TMEM87A: variants seen among roughly 807,000 people sequenced by gnomAD.
TMEM87A encodes Golgi-pH regulating cation channel.
A neutral mutation model predicts 90.0 loss-of-function variants in TMEM87A; 50 were observed. That is an observed-to-expected ratio of 0.56 (90% CI 0.44 to 0.70). TMEM87A has a LOEUF of 0.70. TMEM87A is among the 30% of genes least tolerant of loss of function. The pLI is 0.00. For missense variants in TMEM87A, 577 were observed against 660.5 expected (o/e 0.87, Z 1.39); for synonymous variants, 226 against 226.7 (o/e 1.00, Z 0.03).
chr15:42,266,373 G>T (rs752935792), intron 3 of TMEM87A, among the ~76,000 whole-genome samples: 1 of 152,040 alleles, frequency 6.6e-6, no homozygotes, highest in Non-Finnish European at 1.5e-5. Context: ...AAAATTAGCC[G>T]GGTGTGGTGG....
chr15:42,255,358 G>T (rs146280267), intron 6 of TMEM87A, among the ~76,000 whole-genome samples: 1 of 152,052 alleles, frequency 6.6e-6, no homozygotes, highest in African/African-American at 2.4e-5. Context: ...TCTTGAACTC[G>T]TGACCTCAGG....
rs370524837 is a variant in TMEM87A at position 42,227,691 on chromosome 15, T to A, written c.1299+20A>T. ...TGTTTATAAGACAGTACATTATTCA[T>A]AAATGTGCTTATAACTCACCGACTG... On this transcript the variant is annotated intron_variant, in intron 14 of 19. Transcript: ENST00000389834. 1 of 1,607,260 alleles carries A rather than the reference T, an allele frequency of 6.2e-7. No homozygotes were observed. Among genetic ancestry groups the A allele is most frequent in the Non-Finnish European group, 8.5e-7 (1 of 1,173,976 alleles).
intron 4 of TMEM87A, among the ~76,000 whole-genome samples, chr15:42,262,474 T>C (rs2899042): frequency 0.94 from 140,655 of 149,306 alleles, 66,803 homozygotes; most frequent in Non-Finnish European, 1. Flanking sequence ...AGTTTCACTC[T>C]TGTCGCCCAG....
In TMEM87A at chr15:42,264,699, A is replaced by ATTTTTT. The variant is rs1555409717; in HGVS notation, c.292-502_292-497dup. On this transcript the variant is annotated intron_variant, in intron 3 of 19. Coordinates refer to ENST00000389834, the MANE Select transcript of TMEM87A (RefSeq NM_015497.5). ...TATGTGTGTGTATATATATATATAT[A>ATTTTTT]TTTTTTTTTTAACTTTTATTTTAGG... Among the ~76,000 whole-genome samples, 170 of 109,432 alleles carry ATTTTTT rather than the reference A, an allele frequency of 1.6e-3. 1 individual carries two copies. Among genetic ancestry groups the ATTTTTT allele is most frequent in the Admixed American group, 2.2e-3 (22 of 9,800 alleles). The allele number at this position is 109,432 out of a possible 152,430, so 71.8% of individuals were successfully genotyped here.
At chr15:42,259,575 G>A (rs1052284099) in intron 6 of TMEM87A, among the ~76,000 whole-genome samples, 3 of 152,154 alleles carry the variant, frequency 2.0e-5, no homozygotes, top group Non-Finnish European at 2.9e-5. Context: ...ACAGCTGCCT[G>A]AGGTGACCTT....
intron 3 of TMEM87A, among the ~76,000 whole-genome samples, chr15:42,266,906 G>A (rs1440055615): frequency 6.6e-6 from 1 of 152,106 alleles, no homozygotes; most frequent in African/African-American, 2.4e-5. Context: ...ATATTTACTT[G>A]AAAGAATGAC....
chr15:42,244,953 C>G (rs943261480), intron 6 of TMEM87A, among the ~76,000 whole-genome samples: 1 of 151,448 alleles, frequency 6.6e-6, no homozygotes, highest in African/African-American at 2.4e-5. Context: ...TGTGAACCCC[C>G]CAAAATGAAT....
At chr15:42,222,893 T>G (rs1473611012) in intron 15 of TMEM87A, among the ~76,000 whole-genome samples, 3 of 152,186 alleles carry the variant, frequency 2.0e-5, no homozygotes, top group Non-Finnish European at 4.4e-5. Context: ...CATTAGAGAA[T>G]AATTTTTTGA....
At position 42,212,555 on chromosome 15, in the gene TMEM87A, G is replaced by C. The variant is rs1004987865; in HGVS notation, c.1627-806C>G. On this transcript the variant is annotated intron_variant, in intron 19 of 19. Coordinates refer to ENST00000389834, the MANE Select transcript of TMEM87A (RefSeq NM_015497.5). ...CATACTGGGAATTTTTCTTGTCTCT[G>C]TGTTGGACCCTTTATTTCCTAGATC... Among the ~76,000 whole-genome samples, 5 of 152,082 alleles carry C rather than the reference G, an allele frequency of 3.3e-5. No homozygotes were observed. The South Asian group carries it at 8.3e-4, about 25-fold the overall frequency.
At chr15:42,255,905 G>T (rs8025601) in intron 6 of TMEM87A, among the ~76,000 whole-genome samples, 34,189 of 150,286 alleles carry the variant, frequency 0.23, 5,061 homozygotes, top group African/African-American at 0.41. Context: ...AAGTAGCTGG[G>T]ATTATAGGCG....
chr15:42,272,201 A>G lies in TMEM87A; in HGVS notation c.145-78T>C, dbSNP rs1005291029. ...CATCATATAACTATCTAAGACTGCT[A>G]GAAATTCCAACTTAACTTAAATCTT... is the stretch of plus-strand genomic sequence containing the variant. On this transcript the variant is annotated intron_variant, in intron 1 of 19. Coordinates refer to ENST00000389834, the MANE Select transcript of TMEM87A (RefSeq NM_015497.5). The G allele has an allele frequency of 4.2e-5, 44 of 1,051,810 alleles. No individual in the cohort carries two copies. The African/African-American group carries it at 6.8e-4, about 16-fold the overall frequency. The allele number at this position is 1,051,810 out of a possible 1,614,324, so 65.2% of individuals were successfully genotyped here.
At chr15:42,237,826 C>T (rs2050801837) in intron 8 of TMEM87A, among the ~76,000 whole-genome samples, 1 of 151,928 alleles carries the variant, frequency 6.6e-6, no homozygotes, top group Non-Finnish European at 1.5e-5. Context: ...CAGCGCCTGT[C>T]CTGAATCAAT....
At chr15:42,218,423 A>G in intron 17 of TMEM87A, 45 bp from the exon 18 acceptor site, 1 of 1,581,842 alleles carries the variant, frequency 6.3e-7, no homozygotes, top group South Asian at 1.1e-5. Context: ...GCACCACATA[A>G]TACATCTCAA....
Position 42,219,614 on chromosome 15 carries a change from T to C in TMEM87A, c.1506A>G (p.Gln502=). Residue 502 remains glutamine, a synonymous_variant, in exon 17 of 20, where the codon CAA becomes CAG. Coordinates refer to ENST00000389834, the MANE Select transcript of TMEM87A (RefSeq NM_015497.5). ...TAACTTTACTATTTCCATTGGGTTC[T>C]TGTTTGGTACTTCTCATTTTCATTC... The part of the protein sequence containing the change: ...FEGMKMRSTK[Q]EPNGNSKVNK... 1.2e-6 allele frequency: 2 copies of C among 1,601,556 alleles called. No homozygotes were observed. Among genetic ancestry groups the C allele is most frequent in the Non-Finnish European group, 1.7e-6 (2 of 1,173,254 alleles).
chr15:42,268,581 C>T (rs1202001105), intron 2 of TMEM87A, among the ~76,000 whole-genome samples: 3 of 152,142 alleles, frequency 2.0e-5, no homozygotes, highest in Non-Finnish European at 4.4e-5. Flanking sequence ...GCAGGAGGAT[C>T]ACTTGAGCCC....
intron 11 of TMEM87A, among the ~76,000 whole-genome samples, chr15:42,232,512 C>T (rs1041595359): frequency 5.3e-5 from 8 of 152,040 alleles, no homozygotes; most frequent in African/African-American, 1.9e-4. Flanking sequence ...CTTGCTCTGT[C>T]GCCCAGGCTG....
intron 18 of TMEM87A, 100 bp from the exon 19 acceptor site, chr15:42,217,933 T>C (rs1317516012): frequency 3.3e-6 from 4 of 1,223,656 alleles, no homozygotes; most frequent in Admixed American, 2.7e-5. Context: ...TTTATAATTA[T>C]CTAAGATTTG....
intron 10 of TMEM87A, among the ~76,000 whole-genome samples, chr15:42,235,973 G>A (rs2140940129): frequency 6.6e-6 from 1 of 151,898 alleles, no homozygotes; most frequent in South Asian, 2.1e-4. Flanking sequence ...TTTTCAGACA[G>A]TTACAGCAAG....
At chr15:42,217,725 A>C in intron 19 of TMEM87A, 78 bp downstream of exon 19, 1 of 1,426,288 alleles carries the variant, frequency 7.0e-7, no homozygotes, top group Non-Finnish European at 9.8e-7. Flanking sequence ...AATAAAGAGA[A>C]TCTCCATGAA....
Sources: allele counts gnomAD v4.1 joint callset (sites outside exome capture counted in the v4.1 genomes callset), GRCh38; gene constraint gnomAD v4.1.1; transcripts MANE v1.5; gene names NCBI Gene and HGNC (gene_info 2026-07-23, HGNC 2026-07-21).